The following PVT1 variants were observed in gnomAD, a reference collection of about 807,000 sequenced individuals.
PVT1 encodes the protein Pvt1 oncogene, also known as CXCR4/PVT1 fusion.
At chr8:128,067,507 G>T (rs574327811) in intron 4 of PVT1, among the ~76,000 whole-genome samples, 19 of 152,324 alleles carry the variant, frequency 1.2e-4, no homozygotes, top group African/African-American at 4.6e-4. Context: ...ACAAGCCATT[G>T]CAGTGGGAAA....
intron 3 of PVT1, among the ~76,000 whole-genome samples, chr8:127,938,719 G>A (rs1237172075): frequency 6.6e-6 from 1 of 152,162 alleles, no homozygotes; most frequent in Admixed American, 6.5e-5. Context: ...GAAAATGAGT[G>A]AAGATTCCAG....
intron 2 of PVT1, among the ~76,000 whole-genome samples, chr8:127,833,929 C>T (rs567182698): frequency 2.0e-5 from 3 of 152,322 alleles, no homozygotes; most frequent in African/African-American, 7.2e-5. Flanking sequence ...GGACCCCTCC[C>T]TAGAGACTTA....
intron 4 of PVT1, among the ~76,000 whole-genome samples, chr8:128,054,894 T>C (rs899490338): frequency 1.3e-5 from 2 of 152,220 alleles, no homozygotes; most frequent in Non-Finnish European, 2.9e-5. Context: ...GATTAACATT[T>C]GAATCAGCAG....
At chr8:127,795,440 A>T (rs1444428065) in intron 1 of PVT1, among the ~76,000 whole-genome samples, 1 of 152,182 alleles carries the variant, frequency 6.6e-6, no homozygotes, top group Admixed American at 6.5e-5. Context: ...GGCATGGAAG[A>T]TTCTTCTGTT....
intron 3 of PVT1, among the ~76,000 whole-genome samples, chr8:127,910,200 G>A (rs1815877592): frequency 1.3e-5 from 2 of 152,304 alleles, no homozygotes; most frequent in South Asian, 2.1e-4. Context: ...TGCTGGCCAC[G>A]CAAGGGGAAG....
At chr8:127,847,757 T>A (rs1016595521) in intron 2 of PVT1, among the ~76,000 whole-genome samples, 2 of 151,570 alleles carry the variant, frequency 1.3e-5, no homozygotes, top group Non-Finnish European at 2.9e-5. Context: ...AAAAAAAGCA[T>A]GGGTGTAGAG....
intron 2 of PVT1, among the ~76,000 whole-genome samples, chr8:127,861,816 T>C (rs1815232412): frequency 6.6e-6 from 1 of 152,232 alleles, no homozygotes; most frequent in African/African-American, 2.4e-5. Flanking sequence ...GCATGTTGCC[T>C]GCTACTGGTA....
chr8:127,880,380 T>C (rs1479858238), intron 2 of PVT1, among the ~76,000 whole-genome samples: 3 of 151,730 alleles, frequency 2.0e-5, no homozygotes, highest in African/African-American at 7.3e-5. Flanking sequence ...AACCTCCACT[T>C]CCGGGTTCAC....
At chr8:128,095,962 T>G (rs1336955493) in intron 5 of PVT1, among the ~76,000 whole-genome samples, 1 of 152,252 alleles carries the variant, frequency 6.6e-6, no homozygotes, top group African/African-American at 2.4e-5. Context: ...CTTTCATTTC[T>G]TTGTAAAAAG....
At chr8:127,804,107 T>C (rs1814499968) in intron 2 of PVT1, among the ~76,000 whole-genome samples, 2 of 152,112 alleles carry the variant, frequency 1.3e-5, no homozygotes, top group African/African-American at 4.8e-5. Flanking sequence ...TCCCATCTAC[T>C]TGGGAGGCTG....
intron 4 of PVT1, among the ~76,000 whole-genome samples, chr8:128,012,407 C>T (rs1385278751): frequency 6.6e-6 from 1 of 152,206 alleles, no homozygotes; most frequent in Non-Finnish European, 1.5e-5. Context: ...TTAATGCTCA[C>T]AAATGCCCTT....
At chr8:127,915,482 C>T (rs948107456) in intron 3 of PVT1, among the ~76,000 whole-genome samples, 1 of 151,730 alleles carries the variant, frequency 6.6e-6, no homozygotes, top group Non-Finnish European at 1.5e-5. Context: ...CGTGGTGGCA[C>T]GTGCCTGTAA....
At chr8:127,882,703 C>G (rs373667874) in intron 2 of PVT1, among the ~76,000 whole-genome samples, 1 of 152,072 alleles carries the variant, frequency 6.6e-6, no homozygotes, top group Non-Finnish European at 1.5e-5. Flanking sequence ...AGTCTGGTCT[C>G]GAACTCATGA....
At chr8:128,077,124 G>A (rs1280141946) in intron 5 of PVT1, among the ~76,000 whole-genome samples, 1 of 152,186 alleles carries the variant, frequency 6.6e-6, no homozygotes, top group Non-Finnish European at 1.5e-5. Context: ...TTTCACATGG[G>A]TCAGCAGACT....
chr8:127,873,761 C>T (rs1484704853), intron 2 of PVT1, among the ~76,000 whole-genome samples: 1 of 152,206 alleles, frequency 6.6e-6, no homozygotes. Flanking sequence ...CCCACAGAAT[C>T]TTTGCTCCAT....
rs550051195 is a variant in PVT1 at position 128,036,161 on chromosome 8, C to T, written n.913-33999C>T. ...GTCCCAGTGCTTTGGTTCAAGTTCACGTTCACCTTTTGTTAGTTAAGGGGC... is the reference window on the plus strand; with the variant it reads ...GTCCCAGTGCTTTGGTTCAAGTTCATGTTCACCTTTTGTTAGTTAAGGGGC... On this transcript the variant is annotated intron_variant and non_coding_transcript_variant, in intron 4 of 10. Coordinates refer to ENST00000651587, the Ensembl canonical transcript of PVT1. 3.9e-5 allele frequency among the ~76,000 whole-genome samples: 6 copies of T among 152,318 alleles called. No individual in the cohort carries two copies. In the East Asian group the frequency reaches 9.6e-4, roughly 24 times the overall value.
chr8:128,049,253 A>C (rs919086240), intron 4 of PVT1: 1 of 519,056 alleles, frequency 1.9e-6, no homozygotes, highest in South Asian at 1.4e-5. Context: ...TGACCTACAC[A>C]GAAGCAGGTC....
At chr8:127,870,806 G>C (rs1345751573) in intron 2 of PVT1, among the ~76,000 whole-genome samples, 1 of 152,204 alleles carries the variant, frequency 6.6e-6, no homozygotes, top group Non-Finnish European at 1.5e-5. Flanking sequence ...TCAAGGCAAT[G>C]ATTAAATGCG....
chr8:128,037,758 A>G lies in PVT1; in HGVS notation n.913-32402A>G, dbSNP rs972284398. ...TGCCCCTGCCTTCCAGGTAAACACA[A>G]ATGCTGCTCGCGTTGGTGGCTTAGA... On this transcript the variant is annotated intron_variant and non_coding_transcript_variant, in intron 4 of 10. Transcript: ENST00000651587. 3.3e-5 allele frequency among the ~76,000 whole-genome samples: 5 copies of G among 152,170 alleles called. No homozygotes were observed. The East Asian group carries it at 9.7e-4, about 29-fold the overall frequency.
Sources: gnomAD v4.1 joint callset for allele counts (sites outside exome capture counted in the v4.1 genomes callset) on GRCh38, gnomAD v4.1.1 for gene constraint, MANE v1.5 for transcripts, NCBI Gene and HGNC (gene_info 2026-07-23, HGNC 2026-07-21) for gene names.